Variants in MTHFD1 observed in about 807,000 individuals in gnomAD.
The protein encoded by MTHFD1 is C-1-tetrahydrofolate synthase, cytoplasmic.
MTHFD1 carries 44 observed loss-of-function variants against 110.3 expected under a neutral mutation model. The ratio of observed to expected loss-of-function variants is 0.40; its 90% CI spans 0.31 to 0.51. The LOEUF is 0.51. MTHFD1 is among the 20% of genes least tolerant of loss of function. The probability of loss-of-function intolerance (pLI) is 0.60; values close to 1 mark genes in which losing one functional copy is unlikely to be tolerated. For missense variants in MTHFD1, 909 were observed against 1,173.1 expected (o/e 0.77, Z 3.29); for synonymous variants, 402 against 428.8 (o/e 0.94, Z 0.77).
chr14:64,407,929 T>C (rs1271253012), intron 2 of MTHFD1, among the ~76,000 whole-genome samples: 1 of 152,146 alleles, frequency 6.6e-6, no homozygotes, highest in Non-Finnish European at 1.5e-5. Flanking sequence ...ACAAAATACA[T>C]GGACAGAATA....
intron 19 of MTHFD1, 82 bp downstream of exon 19, chr14:64,441,535 G>T (rs780837164): frequency 5.3e-6 from 7 of 1,319,950 alleles, no homozygotes; most frequent in South Asian, 1.2e-5. Flanking sequence ...TGCAAGGCGC[G>T]GTGGCTCACA....
chr14:64,403,046 A>C (rs1047759341), intron 2 of MTHFD1, among the ~76,000 whole-genome samples: 1 of 152,024 alleles, frequency 6.6e-6, no homozygotes, highest in African/African-American at 2.4e-5. Flanking sequence ...TGCAACCTTC[A>C]TCTCCCAGGC....
At chr14:64,439,949 AAT>A (rs768251950) in intron 17 of MTHFD1, among the ~76,000 whole-genome samples, 175 bp from the exon 18 acceptor site, 27 of 84,296 alleles carry the variant, frequency 3.2e-4, no homozygotes, top group Non-Finnish European at 7.3e-4. Flanking sequence ...ATAATTAATT[AAT>A]ATATTTTTTT....
chr14:64,434,079 T>C (rs1203671374), intron 15 of MTHFD1, among the ~76,000 whole-genome samples: 2 of 152,158 alleles, frequency 1.3e-5, no homozygotes, highest in Non-Finnish European at 2.9e-5. Context: ...TATGATACTA[T>C]GATTATTTAG....
intron 11 of MTHFD1, 141 bp downstream of exon 11, chr14:64,426,333 C>G (rs1301497596): frequency 9.5e-6 from 9 of 950,956 alleles, no homozygotes; most frequent in Non-Finnish European, 1.5e-5. Context: ...CTCATTTGAT[C>G]CTTACAGCAA....
Position 64,448,228 on chromosome 14 carries a change from G to C in MTHFD1, c.2190G>C (p.Leu730=). The C allele has an allele frequency of 6.2e-7, 1 of 1,613,702 alleles. No individual in the cohort carries two copies. The highest frequency in any genetic ancestry group is 8.5e-7 in the Non-Finnish European group (1 of 1,179,628). ...PKAYIQENLE[L]VEKGFSNLKK... ...TGTTGTTTTTACAGAACCTGGAGCTGGTTGAAAAAGGCTTCAGTAACTTGA... is the reference window on the plus strand; with the variant it reads ...TGTTGTTTTTACAGAACCTGGAGCTCGTTGAAAAAGGCTTCAGTAACTTGA... Residue 730 remains leucine (L), a synonymous_variant, in exon 23 of 28, where the codon CTG becomes CTC. Coordinates refer to ENST00000652337, the MANE Select transcript of MTHFD1 (RefSeq NM_005956.4).
At chr14:64,453,224 A>T (rs2078405214) in intron 24 of MTHFD1, among the ~76,000 whole-genome samples, 1 of 152,146 alleles carries the variant, frequency 6.6e-6, no homozygotes, top group African/African-American at 2.4e-5. Flanking sequence ...AGATATAAAA[A>T]CTTTACCTCT....
At chr14:64,446,586 G>A (rs1208120856) in intron 22 of MTHFD1, among the ~76,000 whole-genome samples, 1 of 152,130 alleles carries the variant, frequency 6.6e-6, no homozygotes, top group African/African-American at 2.4e-5. Context: ...CTATTACCCA[G>A]GCTGGAGTGC....
chr14:64,431,313 G>A (rs187898372), intron 13 of MTHFD1, among the ~76,000 whole-genome samples: 11 of 151,848 alleles, frequency 7.2e-5, no homozygotes, highest in Admixed American at 2.0e-4. Flanking sequence ...TGATCCGCCC[G>A]CCTCGGCCTC....
chr14:64,415,796 C>T, intron 6 of MTHFD1, 57 bp downstream of exon 6: 6 of 1,531,150 alleles, frequency 3.9e-6, no homozygotes, highest in Non-Finnish European at 5.4e-6. Context: ...CTGGTCTTGA[C>T]ATGTGGTGGC....
chr14:64,395,501 C>G (rs1351734222), intron 1 of MTHFD1, among the ~76,000 whole-genome samples: 1 of 152,156 alleles, frequency 6.6e-6, no homozygotes. Context: ...ACCAGGACTC[C>G]GAAGGTTCTT....
At chr14:64,406,490 GTTTTTTTT>G (rs56712265) in intron 2 of MTHFD1, among the ~76,000 whole-genome samples, 108 of 123,130 alleles carry the variant, frequency 8.8e-4, no homozygotes, top group African/African-American at 3.1e-3. Context: ...TTTATTTGTG[GTTTTTTTT>G]TTTTTTTTTT....
intron 15 of MTHFD1, among the ~76,000 whole-genome samples, chr14:64,433,206 C>T (rs1272149589): frequency 2.6e-5 from 4 of 152,194 alleles, no homozygotes; most frequent in African/African-American, 4.8e-5. Flanking sequence ...ACTGCAACCT[C>T]CACCTCTCAG....
In MTHFD1 at chr14:64,453,816, A is replaced by C; in HGVS notation, c.2520A>C (p.Glu840Asp). The change falls in exon 25 of 28, where the codon GAA becomes GAC. Residue 840 changes from glutamate to aspartate, a missense_variant. This residue lies in a region of MTHFD1 where 482 missense variants were observed against 646.0 expected (regional missense o/e 0.75). Coordinates refer to ENST00000652337, the MANE Select transcript of MTHFD1 (RefSeq NM_005956.4). ...AGATCTATGGAGCAGATGACATTGAATTACTTCCCGAAGCTCAACACAAAG... is the reference window on the plus strand; with the variant it reads ...AGATCTATGGAGCAGATGACATTGACTTACTTCCCGAAGCTCAACACAAAG... ...AQKIYGADDI[E>D]LLPEAQHKAE... The C allele has an allele frequency of 6.2e-7, 1 of 1,613,268 alleles. No individual in the cohort carries two copies. The highest frequency in any genetic ancestry group is 1.3e-5 in the African/African-American group (1 of 75,010).
chr14:64,411,107 T>C lies in MTHFD1; in HGVS notation c.144T>C (p.Asp48=). 6.2e-7 allele frequency: 1 copy of C among 1,612,970 alleles called. No individual in the cohort carries two copies. Residue 48 remains aspartate (D), a synonymous_variant, in exon 3 of 28, where the codon GAT becomes GAC. Transcript: ENST00000652337. ...TATTCTAGGTTGGCAACAGAGATGA[T>C]TCCAATCTTTATATAAATGTGAAGC... ...LAILQVGNRD[D]SNLYINVKLK... is the part of the protein sequence containing the mutation.
chr14:64,408,337 G>A (rs556577104), intron 2 of MTHFD1, among the ~76,000 whole-genome samples: 3 of 143,256 alleles, frequency 2.1e-5, no homozygotes, highest in Non-Finnish European at 4.5e-5. Context: ...CGCCCAGGCT[G>A]GAGTGCAATG....
intron 11 of MTHFD1, among the ~76,000 whole-genome samples, chr14:64,426,553 C>G (rs573588724): frequency 6.6e-6 from 1 of 152,312 alleles, no homozygotes; most frequent in East Asian, 1.9e-4. Context: ...TCACCACAAC[C>G]TCTGTCTCCC....
chr14:64,444,030 C>A (rs1446335853), intron 21 of MTHFD1, among the ~76,000 whole-genome samples: 5 of 151,876 alleles, frequency 3.3e-5, no homozygotes, highest in African/African-American at 9.7e-5. Context: ...ATGGTGGGGC[C>A]CATGAAATGG....
chr14:64,455,253 TAGG>T (rs1318276596), intron 26 of MTHFD1: 1 of 261,824 alleles, frequency 3.8e-6, no homozygotes, highest in Non-Finnish European at 7.5e-6. Flanking sequence ...CCCACAGCCC[TAGG>T]AGGTAGGGAC....
Sources: gnomAD v4.1 joint callset for allele counts (sites outside exome capture counted in the v4.1 genomes callset) on GRCh38, gnomAD v4.1.1 for gene constraint, gnomAD v4.1.1 regional missense constraint, MANE v1.5 for transcripts, NCBI Gene and HGNC (gene_info 2026-07-23, HGNC 2026-07-21) for gene names.